TJP1: variants seen among roughly 807,000 people sequenced by gnomAD.
The protein encoded by TJP1 is tight junction protein ZO-1.
Under a neutral mutation model 194.2 loss-of-function variants are expected in TJP1, and 43 were observed. The observed-to-expected ratio is 0.22, with a 90% CI of 0.17 to 0.29. TJP1 has a LOEUF of 0.29. TJP1 is among the 10% of genes least tolerant of loss of function. TJP1 has a pLI of 1.00. For synonymous variants in TJP1, 801 were observed against 779.0 expected (o/e 1.03, Z -0.47); for missense variants, 1,971 against 2,185.7 (o/e 0.90, Z 1.96).
chr15:29,716,522 C>T, intron 23 of TJP1, 89 bp downstream of exon 23: 1 of 968,904 alleles, frequency 1.0e-6, no homozygotes. Flanking sequence ...TCATATATTA[C>T]ACTTAAATTA....
In TJP1 at chr15:29,737,327, A is replaced by G; in HGVS notation, c.1344T>C (p.Ala448=). ...AGGNDVGIFV[A]GVLEDSPAAK... ...CTGCAGGGCTATCTTCTAGAACGCC[A>G]GCTACAAATATTCCAACATCATTTC... The change falls in exon 11 of 28, where the codon GCT becomes GCC. Residue 448 remains alanine (A), a synonymous_variant. Transcript: ENST00000614355. 1 of 1,614,210 alleles carries G rather than the reference A, an allele frequency of 6.2e-7. No individual in the cohort carries two copies. The highest frequency in any genetic ancestry group is 8.5e-7 in the Non-Finnish European group (1 of 1,180,028).
chr15:29,756,767 G>A (rs974665191), intron 8 of TJP1, among the ~76,000 whole-genome samples: 1 of 152,122 alleles, frequency 6.6e-6, no homozygotes, highest in East Asian at 1.9e-4. Flanking sequence ...CACCAGTAAG[G>A]TCAAAGATTT....
intron 2 of TJP1, among the ~76,000 whole-genome samples, chr15:29,799,686 A>AT: frequency 6.6e-6 from 1 of 152,292 alleles, no homozygotes; most frequent in Middle Eastern, 3.4e-3. Flanking sequence ...AAGTGCTGGG[A>AT]TTACAGGCGT....
At chr15:29,786,669 T>C (rs1812538937) in intron 2 of TJP1, among the ~76,000 whole-genome samples, 1 of 152,054 alleles carries the variant, frequency 6.6e-6, no homozygotes, top group Non-Finnish European at 1.5e-5. Context: ...CCTGGCTAAA[T>C]TTTTTGGGGG....
chr15:29,953,428 C>T (rs2055828219), intron 2 of TJP1, among the ~76,000 whole-genome samples: 1 of 152,060 alleles, frequency 6.6e-6, no homozygotes, highest in Admixed American at 6.6e-5. Flanking sequence ...AGACGTGAGC[C>T]ACCATGCCTG....
chr15:29,797,406 T>G (rs928400882), intron 2 of TJP1, among the ~76,000 whole-genome samples: 48 of 152,284 alleles, frequency 3.2e-4, no homozygotes, highest in Middle Eastern at 3.4e-3. Context: ...TGCCTTGGCC[T>G]ACCAAAGTGT....
chr15:29,760,782 G>T (rs2045951784), intron 8 of TJP1, among the ~76,000 whole-genome samples: 1 of 152,192 alleles, frequency 6.6e-6, no homozygotes. Flanking sequence ...AAGCTTGCTA[G>T]CATCTTCTAA....
Position 29,766,320 on chromosome 15 carries a change from T to G in TJP1, c.535A>C (p.Ser179Arg). 1.9e-6 allele frequency: 3 copies of G among 1,614,254 alleles called. No individual in the cohort carries two copies. The South Asian group carries it at 3.3e-5, about 18-fold the overall frequency. ...ACTTTAGTAGGTTTAGCAGGCTGGC[T>G]GGAAGCCACTGACCGCCTGTCTGAC... ...PRSDRRSVAS[S>R]QPAKPTKVTL... The change falls in exon 5 of 28, where the codon AGC (serine) becomes CGC (arginine). Residue 179 changes from serine to arginine, a missense_variant. Transcript: ENST00000614355.
intron 26 of TJP1, among the ~76,000 whole-genome samples, chr15:29,704,521 C>G (rs1222449353): frequency 6.6e-6 from 1 of 152,192 alleles, no homozygotes; most frequent in Non-Finnish European, 1.5e-5. Context: ...CAAGTGATAT[C>G]AAATCTTACA....
At chr15:29,709,143 G>T in intron 24 of TJP1, 107 bp from the exon 25 acceptor site, 1 of 1,056,782 alleles carries the variant, frequency 9.5e-7, no homozygotes, top group Non-Finnish European at 1.4e-6. Context: ...AATGTGGGTC[G>T]CACAGCCAGA....
chr15:29,827,656 T>C (rs1223582032), intron 2 of TJP1, among the ~76,000 whole-genome samples: 2 of 152,248 alleles, frequency 1.3e-5, no homozygotes, highest in Non-Finnish European at 2.9e-5. Flanking sequence ...GTAAAATTCA[T>C]GCTGATAATT....
rs569437345 is a variant in TJP1, at chr15:29,718,310, A to G, written c.3832T>C (p.Ser1278Pro). 1.2e-6 allele frequency: 2 copies of G among 1,614,054 alleles called. No homozygotes were observed. The highest frequency in any genetic ancestry group is 2.2e-5 in the East Asian group (1 of 44,866). ...VKMFENKRSASLETKKDVNDT... is the reference protein window; with the variant it reads ...VKMFENKRSAPLETKKDVNDT... ...TTTACATCCTTCTTGGTCTCTAAGGATGCAGATCTTTTGTTTTCAAACATC... is the reference window on the plus strand; with the variant it reads ...TTTACATCCTTCTTGGTCTCTAAGGGTGCAGATCTTTTGTTTTCAAACATC... Residue 1278 changes from serine (S) to proline (P), a missense_variant, in exon 21 of 28, where the codon TCC (serine) becomes CCC (proline). By Grantham distance (74) the Ser-to-Pro change is moderately conservative. Coordinates refer to ENST00000614355, the MANE Select transcript of TJP1 (RefSeq NM_001330239.4).
chr15:29,949,252 C>G (rs1269293563), intron 2 of TJP1, among the ~76,000 whole-genome samples: 1 of 114,896 alleles, frequency 8.7e-6, no homozygotes, highest in Non-Finnish European at 1.7e-5. Context: ...CCTTCACCAC[C>G]ACCTCCACCA....
intron 2 of TJP1, among the ~76,000 whole-genome samples, chr15:29,948,038 G>A (rs1415146802): frequency 6.6e-6 from 1 of 152,122 alleles, no homozygotes; most frequent in Non-Finnish European, 1.5e-5. Context: ...AGGCCAAGGT[G>A]GGCGGATCAC....
rs1419589966 is a variant in TJP1, at chr15:29,760,220, TA to T, written c.1010+918del. 1.4e-5 allele frequency: 10 copies of T among 702,314 alleles called. No homozygotes were observed. In the Admixed American group the frequency reaches 1.8e-4, roughly 13 times the overall value. The allele number at this position is 702,314 out of a possible 1,614,324, so 43.5% of individuals were successfully genotyped here. A position where few individuals can be genotyped will look rare whatever the true frequency, so the allele number is the denominator to read the frequency against. ...GAGCCTTGGGAGTCTCCAGAAATTG[TA>T]TGCAATTGCTGCGTGTATGTGCACA... On this transcript the variant is annotated intron_variant, in intron 8 of 27. Transcript: ENST00000614355.
At chr15:29,940,741 A>G (rs2055043567) in intron 2 of TJP1, among the ~76,000 whole-genome samples, 2 of 152,238 alleles carry the variant, frequency 1.3e-5, no homozygotes, top group Non-Finnish European at 2.9e-5. Context: ...TAGATAAAAA[A>G]GAATGACTTC....
At chr15:29,964,353 T>C (rs1003774550) in intron 1 of TJP1, among the ~76,000 whole-genome samples, 6 of 151,950 alleles carry the variant, frequency 3.9e-5, no homozygotes, top group Admixed American at 3.9e-4. Context: ...GGAGCATTTA[T>C]TTTATGAGTT....
At chr15:29,954,072 T>C (rs1454468927) in intron 2 of TJP1, among the ~76,000 whole-genome samples, 1 of 152,168 alleles carries the variant, frequency 6.6e-6, no homozygotes, top group African/African-American at 2.4e-5. Context: ...AGAAAAACCA[T>C]CAAAAAGAAA....
intron 1 of TJP1, among the ~76,000 whole-genome samples, chr15:29,814,989 A>G (rs762315592): frequency 2.0e-4 from 31 of 152,324 alleles, no homozygotes; most frequent in Admixed American, 5.9e-4. Context: ...TGGTGTTCTC[A>G]TGATCTAAAG....
Sources: allele counts gnomAD v4.1 joint callset (sites outside exome capture counted in the v4.1 genomes callset), GRCh38; gene constraint gnomAD v4.1.1; transcripts MANE v1.5; gene names NCBI Gene and HGNC (gene_info 2026-07-23, HGNC 2026-07-21).